CAAP1: variants seen among roughly 807,000 people sequenced by gnomAD.
CAAP1 encodes conserved anti-apoptotic protein.
CAAP1 carries 20 observed loss-of-function variants against 34.0 expected under a neutral mutation model. The observed-to-expected ratio is 0.59, with a 90% CI of 0.41 to 0.86. The LOEUF is 0.86. Among genes scored for constraint, CAAP1 ranks in the 40% least tolerant of loss-of-function variants. The pLI, the probability that CAAP1 is intolerant of heterozygous loss-of-function variation, is 0.00. For synonymous variants in CAAP1, 213 were observed against 166.7 expected, an observed-to-expected ratio of 1.28 and a Z score of -2.14; for missense variants, 538 against 450.5, an observed-to-expected ratio of 1.19 and a Z score of -1.76.
intron 4 of CAAP1, chr9:26,880,172 C>T (rs1823555185): frequency 3.1e-5 from 9 of 288,100 alleles, no homozygotes; most frequent in South Asian, 2.1e-4. Flanking sequence ...TCCACACTCA[C>T]GGGGTGTCTT....
Position 26,884,885 on chromosome 9 carries a change from C to A in CAAP1, c.590G>T (p.Gly197Val). 6.2e-7 allele frequency: 1 copy of A among 1,600,282 alleles called. No individual in the cohort carries two copies. Among genetic ancestry groups the A allele is most frequent in the South Asian group, 1.1e-5 (1 of 90,196 alleles). Reference protein sequence around the residue: ...SEKKILKILEGDNGMDSDMEE... With the variant: ...SEKKILKILEVDNGMDSDMEE... ...CATATCAGAGTCCATTCCATTGTCA[C>A]CTTATAAATGAAAGAAACTATTGAA... The change falls in exon 4 of 6, where the codon GGT becomes GTT. Residue 197 changes from glycine to valine, a missense_variant and splice_region_variant. Transcript: ENST00000333916.
chr9:26,846,470 T>TA (rs1822610425), intron 5 of CAAP1, among the ~76,000 whole-genome samples: 2 of 150,990 alleles, frequency 1.3e-5, no homozygotes, highest in East Asian at 3.9e-4. Context: ...AAGAAAGACT[T>TA]ACACTTATCT....
At chr9:26,854,203 G>C (rs556873258) in intron 5 of CAAP1, among the ~76,000 whole-genome samples, 24 of 152,244 alleles carry the variant, frequency 1.6e-4, no homozygotes, top group Non-Finnish European at 2.9e-5. Context: ...ACTAAGCACT[G>C]CTCTAAAGCA....
intron 4 of CAAP1, among the ~76,000 whole-genome samples, chr9:26,872,361 A>G (rs1484964069): frequency 2.0e-5 from 3 of 152,216 alleles, no homozygotes; most frequent in East Asian, 3.9e-4. Flanking sequence ...CAATGTACTA[A>G]AATCTAGTAT....
chr9:26,864,064 C>G (rs890261649), intron 4 of CAAP1, among the ~76,000 whole-genome samples: 1 of 152,028 alleles, frequency 6.6e-6, no homozygotes, highest in African/African-American at 2.4e-5. Flanking sequence ...TCACCCAGCT[C>G]TGTTTTTATA....
At position 26,841,216 on chromosome 9, in the gene CAAP1, T is replaced by G. The variant is rs936497099; in HGVS notation, c.*1085A>C. 2 of 152,322 alleles carry G rather than the reference T, an allele frequency of 1.3e-5. No individual in the cohort carries two copies. The highest frequency in any genetic ancestry group is 6.5e-5 in the Admixed American group (1 of 15,278). The allele number at this position is 152,322 out of a possible 1,614,324, so 9.4% of individuals were successfully genotyped here. ...GGCTTATAAATAAAATATACTGTAT[T>G]TGTTATCAAATATAGAAACAACAGT... On this transcript the variant is annotated 3_prime_UTR_variant, in exon 6 of 6. Transcript: ENST00000333916.
At chr9:26,889,900 T>C in intron 1 of CAAP1, among the ~76,000 whole-genome samples, 1 of 139,102 alleles carries the variant, frequency 7.2e-6, no homozygotes, top group East Asian at 2.2e-4. Flanking sequence ...GGAACCTCAA[T>C]ACACAACAGA....
At chr9:26,851,761 G>C (rs1047435491) in intron 5 of CAAP1, among the ~76,000 whole-genome samples, 1 of 152,198 alleles carries the variant, frequency 6.6e-6, no homozygotes, top group Non-Finnish European at 1.5e-5. Context: ...CAGAACAGCT[G>C]TCTCAATTTC....
At chr9:26,865,449 G>A (rs111289917) in intron 4 of CAAP1, among the ~76,000 whole-genome samples, 10,501 of 151,668 alleles carry the variant, frequency 0.069, 400 homozygotes, top group Middle Eastern at 0.15. Context: ...ACTGGAACCC[G>A]GGAGGTGGAG....
intron 1 of CAAP1, among the ~76,000 whole-genome samples, chr9:26,889,617 G>A (rs1368764791): frequency 3.9e-5 from 6 of 151,996 alleles, no homozygotes; most frequent in Non-Finnish European, 7.4e-5. Context: ...CACTTTGGGA[G>A]GCCGAGGTGG....
intron 5 of CAAP1, among the ~76,000 whole-genome samples, chr9:26,848,344 T>C (rs781662320): frequency 2.0e-5 from 3 of 152,048 alleles, no homozygotes; most frequent in Non-Finnish European, 4.4e-5. Flanking sequence ...AAGCCCCGTC[T>C]CTACCAAAAA....
At chr9:26,854,007 T>C (rs1822812087) in intron 5 of CAAP1, among the ~76,000 whole-genome samples, 1 of 152,176 alleles carries the variant, frequency 6.6e-6, no homozygotes, top group African/African-American at 2.4e-5. Flanking sequence ...AAACTCTTTT[T>C]CTTCAAACCA....
intron 4 of CAAP1, among the ~76,000 whole-genome samples, chr9:26,882,368 T>G (rs1410762007): frequency 6.6e-6 from 1 of 152,150 alleles, no homozygotes; most frequent in African/African-American, 2.4e-5. Flanking sequence ...ATGTGTACCC[T>G]AGGGACTTGG....
At position 26,892,795 on chromosome 9, in the gene CAAP1, C is replaced by A; in HGVS notation, c.-80G>T. On this transcript the variant is annotated 5_prime_UTR_variant, in exon 1 of 6. Transcript: ENST00000333916. ...GCCCGACTCCTGCGGCCGTGGGCGG[C>A]AGGCACTGGCGTCGCAGGTTATGCG... is the stretch of plus-strand genomic sequence containing the variant. 1 of 1,370,526 alleles carries A rather than the reference C, an allele frequency of 7.3e-7. No individual in the cohort carries two copies. Among genetic ancestry groups the A allele is most frequent in the East Asian group, 2.4e-5 (1 of 42,366 alleles). The allele number at this position is 1,370,526 out of a possible 1,614,324, so 84.9% of individuals were successfully genotyped here.
chr9:26,881,728 A>T (rs918501636), intron 4 of CAAP1, among the ~76,000 whole-genome samples: 1 of 152,218 alleles, frequency 6.6e-6, no homozygotes, highest in Non-Finnish European at 1.5e-5. Flanking sequence ...GTACAAATAC[A>T]CGAAAATGTG....
chr9:26,853,241 C>A (rs550509941), intron 5 of CAAP1, among the ~76,000 whole-genome samples: 1 of 152,216 alleles, frequency 6.6e-6, no homozygotes, highest in African/African-American at 2.4e-5. Context: ...AGGTTCTTGG[C>A]CTGGACACTG....
chr9:26,859,657 A>C (rs1019479920), intron 5 of CAAP1, among the ~76,000 whole-genome samples: 1 of 152,182 alleles, frequency 6.6e-6, no homozygotes, highest in Non-Finnish European at 1.5e-5. Context: ...ATATTATATA[A>C]AAATAATATG....
chr9:26,847,198 ATTTTTTTTTTT>A (rs1171628621), intron 5 of CAAP1, among the ~76,000 whole-genome samples: 61 of 34,750 alleles, frequency 1.8e-3, no homozygotes, highest in Admixed American at 4.4e-3. Flanking sequence ...AAAAAGCAAT[ATTTTTTTTTTT>A]TTTTTTTTTT....
chr9:26,858,822 CAAAAAA>C, intron 5 of CAAP1, among the ~76,000 whole-genome samples: 1 of 87,200 alleles, frequency 1.1e-5, no homozygotes, highest in South Asian at 3.7e-4. Flanking sequence ...GGCTCCATCT[CAAAAAA>C]AAAAAAAAAA....
Sources: allele counts gnomAD v4.1 joint callset (sites outside exome capture counted in the v4.1 genomes callset), GRCh38; gene constraint gnomAD v4.1.1; transcripts MANE v1.5; gene names NCBI Gene and HGNC (gene_info 2026-07-23, HGNC 2026-07-21).